The following CDH8 variants were observed in gnomAD, a reference collection of about 807,000 sequenced individuals.
CDH8 encodes the protein cadherin 8.
In CDH8, 17 loss-of-function variants were observed where a neutral mutation model predicts 68.1. The observed-to-expected ratio is 0.25, with a 90% confidence interval of 0.17 to 0.37. The LOEUF is 0.37. CDH8 is among the 10% of genes least tolerant of loss of function. CDH8 has a pLI of 1.00. For synonymous variants in CDH8, 372 were observed against 365.1 expected, an observed-to-expected ratio of 1.02 and a Z score of -0.21; for missense variants, 763 against 999.3, an observed-to-expected ratio of 0.76 and a Z score of 3.19.
At chr16:61,951,761 C>G (rs1478368686) in intron 2 of CDH8, among the ~76,000 whole-genome samples, 1 of 152,080 alleles carries the variant, frequency 6.6e-6, no homozygotes, top group Admixed American at 6.6e-5. Context: ...TTCCTTCATG[C>G]CTCTCTCTCC....
intron 9 of CDH8, among the ~76,000 whole-genome samples, chr16:61,722,985 A>G (rs1372410354): frequency 6.6e-6 from 1 of 150,712 alleles, no homozygotes; most frequent in Non-Finnish European, 1.5e-5. Flanking sequence ...ATAGTTACAG[A>G]AATTCTTTCC....
At chr16:61,902,475 A>G in intron 2 of CDH8, among the ~76,000 whole-genome samples, 1 of 152,092 alleles carries the variant, frequency 6.6e-6, no homozygotes, top group East Asian at 1.9e-4. Flanking sequence ...TTTTTAAAAG[A>G]AAAGCCCATT....
chr16:61,993,075 G>C (rs1965752851), intron 2 of CDH8, among the ~76,000 whole-genome samples: 1 of 152,222 alleles, frequency 6.6e-6, no homozygotes, highest in South Asian at 2.1e-4. Context: ...GTGGGCCACT[G>C]TGCCTGACTG....
chr16:61,933,871 A>G (rs1325550262), intron 2 of CDH8, among the ~76,000 whole-genome samples: 1 of 152,202 alleles, frequency 6.6e-6, no homozygotes, highest in Non-Finnish European at 1.5e-5. Context: ...TGTTAATTTT[A>G]AGTAGTATAG....
chr16:61,691,892 A>T (rs1215863614), intron 10 of CDH8: 1 of 152,066 alleles, frequency 6.6e-6, no homozygotes, highest in Admixed American at 6.6e-5. Context: ...CAGCTGCTGA[A>T]TTTTTTCCTA....
Position 61,960,258 on chromosome 16 carries a change from TACATATATACGTGTGTGTGTATACAC to T in CDH8, c.253-58811_253-58786del, listed in dbSNP as rs1567546311. 8.1e-4 allele frequency among the ~76,000 whole-genome samples: 42 copies of T among 51,816 alleles called. 1 individual carries two copies. Among genetic ancestry groups the T allele is most frequent in the Non-Finnish European group, 1.0e-3 (29 of 28,574 alleles). The allele number at this position is 51,816 out of a possible 152,430, so 34.0% of individuals were successfully genotyped here. ...ATATACATGTGTGTGTGTATACACA[TACATATATACGTGTGTGTGTATACAC>T]ACATATATACGTGTGTGTGTATACA... On this transcript the variant is annotated intron_variant, in intron 2 of 11. Transcript: ENST00000577390.
intron 2 of CDH8, among the ~76,000 whole-genome samples, chr16:61,997,314 C>A (rs370558999): frequency 1.4e-3 from 212 of 152,250 alleles, no homozygotes; most frequent in African/African-American, 4.8e-3. Context: ...CTGCCTGTAT[C>A]ATTTTGCACA....
At chr16:61,822,269 T>G (rs1467609898) in intron 5 of CDH8, among the ~76,000 whole-genome samples, 1 of 136,164 alleles carries the variant, frequency 7.3e-6, no homozygotes, top group Non-Finnish European at 1.6e-5. Flanking sequence ...TCTGTCTCTC[T>G]CTCTCCTTTC....
chr16:61,972,005 T>G (rs1965348265), intron 2 of CDH8, among the ~76,000 whole-genome samples: 1 of 152,284 alleles, frequency 6.6e-6, no homozygotes, highest in East Asian at 1.9e-4. Context: ...GGCTTGGTTG[T>G]GTACTGACCC....
At chr16:61,667,476 C>A (rs896645959) in intron 10 of CDH8, 9 of 151,968 alleles carry the variant, frequency 5.9e-5, no homozygotes, top group African/African-American at 2.2e-4. Flanking sequence ...CAGTAGAGTT[C>A]TGTAAATATC....
intron 3 of CDH8, among the ~76,000 whole-genome samples, chr16:61,860,305 T>A (rs1963126576): frequency 6.6e-6 from 1 of 152,150 alleles, no homozygotes; most frequent in African/African-American, 2.4e-5. Context: ...GCGAAAATAA[T>A]TTTTTCTTTA....
intron 2 of CDH8, among the ~76,000 whole-genome samples, chr16:61,919,709 G>A (rs574735803): frequency 5.5e-4 from 83 of 152,030 alleles, no homozygotes; most frequent in Admixed American, 1.8e-3. Flanking sequence ...TGAAAGTGAT[G>A]GGGAGAATGG....
rs1185703652 is a variant in CDH8 at position 61,940,398 on chromosome 16, C to CTTTTTTTTTTTTTTTTTTTTTT, written c.253-38926_253-38925insAAAAAAAAAAAAAAAAAAAAAA. The CTTTTTTTTTTTTTTTTTTTTTT allele has an allele frequency of 2.2e-3, 252 of 116,284 alleles. 28 individuals are homozygous for CTTTTTTTTTTTTTTTTTTTTTT. Among genetic ancestry groups the CTTTTTTTTTTTTTTTTTTTTTT allele is most frequent in the East Asian group, 0.015 (50 of 3,312 alleles). 7.2% of individuals were successfully genotyped at this position (116,284 alleles called of 1,614,324 possible). On this transcript the variant is annotated intron_variant, in intron 2 of 11. Coordinates refer to ENST00000577390, the MANE Select transcript of CDH8 (RefSeq NM_001796.5). The stretch of plus-strand genomic sequence containing the variant: ...GAGCTATGGTAATGAACTACTTGAT[C>CTTTTTTTTTTTTTTTTTTTTTT]TTTTTTTTTTTTTTTTTTTGAGACG...
chr16:61,844,569 C>T (rs1227149980), intron 4 of CDH8, among the ~76,000 whole-genome samples: 6 of 152,128 alleles, frequency 3.9e-5, no homozygotes, highest in Admixed American at 6.5e-5. Flanking sequence ...TTAGAGTTCA[C>T]GTGAAATGTA....
At chr16:61,831,727 G>A (rs1379693339) in intron 4 of CDH8, among the ~76,000 whole-genome samples, 1 of 151,822 alleles carries the variant, frequency 6.6e-6, no homozygotes, top group Non-Finnish European at 1.5e-5. Context: ...AGGGGATGCT[G>A]ATTGACTCTT....
At chr16:61,784,110 C>G (rs1961165518) in intron 8 of CDH8, among the ~76,000 whole-genome samples, 1 of 150,988 alleles carries the variant, frequency 6.6e-6, no homozygotes, top group Non-Finnish European at 1.5e-5. Context: ...TGTAAATGGA[C>G]TAAATTCTCC....
At chr16:61,679,482 T>C (rs529478725) in intron 10 of CDH8, among the ~76,000 whole-genome samples, 1 of 152,160 alleles carries the variant, frequency 6.6e-6, no homozygotes, top group South Asian at 2.1e-4. Context: ...CCAGTTACTG[T>C]GCTCTGTAAA....
At chr16:61,727,245 T>C in intron 8 of CDH8, 30 bp from the exon 9 acceptor site, 1 of 1,573,256 alleles carries the variant, frequency 6.4e-7, no homozygotes, top group East Asian at 2.3e-5. Context: ...ACATCAGCAT[T>C]GAGGGTATTT....
intron 10 of CDH8, among the ~76,000 whole-genome samples, chr16:61,706,045 A>C (rs558880232): frequency 1.3e-5 from 2 of 152,322 alleles, no homozygotes; most frequent in African/African-American, 4.8e-5. Context: ...GAATGAATGA[A>C]TAAGGGAAAA....
Sources: gnomAD v4.1 joint callset for allele counts (sites outside exome capture counted in the v4.1 genomes callset) on GRCh38, gnomAD v4.1.1 for gene constraint, MANE v1.5 for transcripts, NCBI Gene and HGNC (gene_info 2026-07-23, HGNC 2026-07-21) for gene names.